The following ARHGEF26 variants were observed in gnomAD, a reference collection of about 807,000 sequenced individuals.
ARHGEF26 encodes the protein Rho guanine nucleotide exchange factor 26, also known as Rho guanine nucleotide exchange factor (GEF) 26.
ARHGEF26 carries 59 observed loss-of-function variants against 89.4 expected under a neutral mutation model. That is an observed-to-expected ratio of 0.66 (90% CI 0.54 to 0.82). The LOEUF (loss-of-function observed/expected upper bound fraction) is 0.82, where lower values mean the gene tolerates loss of function less well. ARHGEF26 is among the 40% of genes least tolerant of loss of function. The pLI is 0.00. For missense variants in ARHGEF26, 1,234 were observed against 1,085.6 expected, an observed-to-expected ratio of 1.14 and a Z score of -1.92; for synonymous variants, 500 against 428.4, an observed-to-expected ratio of 1.17 and a Z score of -2.06.
intron 5 of ARHGEF26, among the ~76,000 whole-genome samples, chr3:154,152,480 G>C (rs1252854648): frequency 6.6e-6 from 1 of 152,146 alleles, no homozygotes; most frequent in East Asian, 1.9e-4. Context: ...TCCTTCCATA[G>C]ATTCTACCCC....
chr3:154,171,481 A>G (rs1271643950), intron 6 of ARHGEF26, among the ~76,000 whole-genome samples: 1 of 152,214 alleles, frequency 6.6e-6, no homozygotes, highest in Non-Finnish European at 1.5e-5. Flanking sequence ...ATCATACAGA[A>G]TAGTTTCACT....
At chr3:154,217,750 T>C in intron 9 of ARHGEF26, 119 bp from the exon 10 acceptor site, 1 of 732,062 alleles carries the variant, frequency 1.4e-6, no homozygotes, top group Non-Finnish European at 2.3e-6. Context: ...GTGAGTTCTC[T>C]GTCAGAAATG....
chr3:154,151,476 T>C (rs564178582), intron 5 of ARHGEF26, among the ~76,000 whole-genome samples: 1 of 152,288 alleles, frequency 6.6e-6, no homozygotes, highest in South Asian at 2.1e-4. Context: ...CTGAAATCCA[T>C]TATTTATGGT....
chr3:154,235,792 A>G (rs980379563), intron 11 of ARHGEF26, among the ~76,000 whole-genome samples: 4 of 152,098 alleles, frequency 2.6e-5, no homozygotes, highest in African/African-American at 7.2e-5. Context: ...AGATTACCCA[A>G]AGTCCTTCCA....
chr3:154,209,872 GGT>G (rs1394557453), intron 9 of ARHGEF26, among the ~76,000 whole-genome samples: 1 of 152,184 alleles, frequency 6.6e-6, no homozygotes, highest in Non-Finnish European at 1.5e-5. Flanking sequence ...TGGGTCGAGA[GGT>G]ACCGTTCACA....
intron 9 of ARHGEF26, among the ~76,000 whole-genome samples, 172 bp downstream of exon 9, chr3:154,194,890 G>C (rs979896812): frequency 6.6e-6 from 1 of 152,198 alleles, no homozygotes; most frequent in African/African-American, 2.4e-5. Flanking sequence ...GGTGAAGTTG[G>C]TATTTTTACT....
chr3:154,234,970 T>G (rs112126680), intron 11 of ARHGEF26, among the ~76,000 whole-genome samples: 5,698 of 152,138 alleles, frequency 0.037, 168 homozygotes, highest in African/African-American at 0.084. Context: ...CACCGTGTTA[T>G]CCAGGATGGT....
chr3:154,149,527 T>C, intron 5 of ARHGEF26, 82 bp downstream of exon 5: 1 of 1,205,638 alleles, frequency 8.3e-7, no homozygotes, highest in South Asian at 1.7e-5. Flanking sequence ...ACTTACTGTG[T>C]GCACTTGTTT....
At chr3:154,127,600 ATTTTTTT>A (rs59102588) in intron 3 of ARHGEF26, among the ~76,000 whole-genome samples, 1 of 139,762 alleles carries the variant, frequency 7.2e-6, no homozygotes, top group African/African-American at 2.6e-5. Context: ...ACAGTTAACT[ATTTTTTT>A]TTTTTTTTTT....
chr3:154,175,063 A>G (rs1332132939), intron 6 of ARHGEF26, among the ~76,000 whole-genome samples: 1 of 152,178 alleles, frequency 6.6e-6, no homozygotes, highest in Non-Finnish European at 1.5e-5. Context: ...TTCAGCCTGT[A>G]TGTTTTTTAA....
intron 6 of ARHGEF26, among the ~76,000 whole-genome samples, chr3:154,177,756 G>C (rs755641640): frequency 6.6e-5 from 10 of 152,032 alleles, no homozygotes; most frequent in Non-Finnish European, 1.2e-4. Flanking sequence ...GGAAGTCTTG[G>C]GACTTTTCAT....
chr3:154,196,906 A>T (rs1486509739), intron 9 of ARHGEF26, among the ~76,000 whole-genome samples: 3 of 152,102 alleles, frequency 2.0e-5, no homozygotes, highest in Non-Finnish European at 1.5e-5. Context: ...AAGAATTTGC[A>T]CAGAGAAAAA....
At position 154,187,115 on chromosome 3, in the gene ARHGEF26, C is replaced by T. The variant is rs138571382; in HGVS notation, c.1488-570C>T. 3.3e-5 allele frequency: 12 copies of T among 359,300 alleles called. No homozygotes were observed. In the East Asian group the frequency reaches 1.7e-3, roughly 50 times the overall value. The allele number at this position is 359,300 out of a possible 1,614,324, so 22.3% of individuals were successfully genotyped here. A position where few individuals can be genotyped will look rare whatever the true frequency, so the allele number is the denominator to read the frequency against. The stretch of plus-strand genomic sequence containing the variant: ...CCATGTTGGCCAGGATGGTCTCGAT[C>T]CCTTCAACTCATAATCCACCCGCTT... On this transcript the variant is annotated intron_variant, in intron 6 of 14. Coordinates refer to ENST00000465093, the MANE Select transcript of ARHGEF26 (RefSeq NM_015595.4).
intron 11 of ARHGEF26, among the ~76,000 whole-genome samples, chr3:154,238,252 T>C (rs1224166677): frequency 6.6e-6 from 1 of 152,226 alleles, no homozygotes; most frequent in African/African-American, 2.4e-5. Context: ...TGAGAAATAT[T>C]TGACATATCC....
intron 10 of ARHGEF26, chr3:154,225,639 TA>T (rs1716436462): frequency 5.1e-6 from 2 of 394,160 alleles, no homozygotes; most frequent in Admixed American, 9.0e-5. Context: ...GGGAAGTTAA[TA>T]GTTTTTTATA....
intron 11 of ARHGEF26, among the ~76,000 whole-genome samples, chr3:154,233,451 G>T (rs1716932324): frequency 6.6e-6 from 1 of 152,142 alleles, no homozygotes; most frequent in Non-Finnish European, 1.5e-5. Flanking sequence ...GAAACAAGTT[G>T]AAATCTACAG....
At chr3:154,124,373 T>TTTTTTTTTTTTTTTTTTC (rs1553781200) in intron 2 of ARHGEF26, 37 bp from the exon 3 acceptor site, 3 of 171,834 alleles carry the variant, frequency 1.7e-5, no homozygotes, top group South Asian at 1.0e-4. Context: ...TTGCTTTTCC[T>TTTTTTTTTTTTTTTTTTC]TTTTTTTTTT....
chr3:154,161,380 C>T (rs1711655240), intron 6 of ARHGEF26, among the ~76,000 whole-genome samples: 1 of 151,976 alleles, frequency 6.6e-6, no homozygotes, highest in Non-Finnish European at 1.5e-5. Flanking sequence ...GTTTCTTTCT[C>T]ATTTAATAAG....
At chr3:154,188,526 A>G (rs1273223612) in intron 7 of ARHGEF26, among the ~76,000 whole-genome samples, 1 of 152,162 alleles carries the variant, frequency 6.6e-6, no homozygotes, top group Non-Finnish European at 1.5e-5. Flanking sequence ...AGTAATGCCT[A>G]TATGTATTTT....
Sources: allele counts gnomAD v4.1 joint callset (sites outside exome capture counted in the v4.1 genomes callset), GRCh38; gene constraint gnomAD v4.1.1; transcripts MANE v1.5; gene names NCBI Gene and HGNC (gene_info 2026-07-23, HGNC 2026-07-21).